Variants in INPP4B observed in about 807,000 individuals in gnomAD.
The protein encoded by INPP4B is inositol polyphosphate-4-phosphatase type II B, also known as inositol polyphosphate 4-phosphatase type II.
INPP4B carries 55 observed loss-of-function variants against 122.5 expected under a neutral mutation model. That is an observed-to-expected ratio of 0.45 (90% confidence interval 0.36 to 0.56). The LOEUF (loss-of-function observed/expected upper bound fraction) is 0.56. INPP4B is among the 20% of genes least tolerant of loss of function. The pLI is 0.00. For missense variants in INPP4B, 1,000 were observed against 1,097.7 expected (o/e 0.91, Z 1.26); for synonymous variants, 403 against 388.7 (o/e 1.04, Z -0.43).
chr4:142,551,943 C>G (rs562120433), intron 2 of INPP4B, among the ~76,000 whole-genome samples: 1 of 152,116 alleles, frequency 6.6e-6, no homozygotes, highest in South Asian at 2.1e-4. Flanking sequence ...AACTCTGATG[C>G]AATAGACAGT....
intron 2 of INPP4B, among the ~76,000 whole-genome samples, chr4:142,643,466 G>T (rs1373039): frequency 6.6e-6 from 1 of 152,016 alleles, no homozygotes; most frequent in East Asian, 1.9e-4. Flanking sequence ...GAGCAATTCA[G>T]TGGAGGTGAA....
chr4:142,573,397 T>C (rs1733234873), intron 2 of INPP4B, among the ~76,000 whole-genome samples: 1 of 152,044 alleles, frequency 6.6e-6, no homozygotes, highest in Non-Finnish European at 1.5e-5. Flanking sequence ...ACCATTTAGG[T>C]CTTGCATCCA....
chr4:142,445,050 AAATAGC>A (rs1036800467), intron 3 of INPP4B, among the ~76,000 whole-genome samples: 1 of 152,120 alleles, frequency 6.6e-6, no homozygotes, highest in Non-Finnish European at 1.5e-5. Flanking sequence ...GCATTAGGAC[AAATAGC>A]TAATGCATAT....
intron 15 of INPP4B, among the ~76,000 whole-genome samples, chr4:142,184,873 C>T (rs1195692616): frequency 6.6e-6 from 1 of 151,982 alleles, no homozygotes; most frequent in East Asian, 1.9e-4. Flanking sequence ...AAACCATGGC[C>T]AGAACACATG....
intron 16 of INPP4B, among the ~76,000 whole-genome samples, chr4:142,163,336 C>T (rs1434463590): frequency 2.6e-5 from 4 of 151,866 alleles, no homozygotes; most frequent in African/African-American, 7.2e-5. Flanking sequence ...CCAGTGTATC[C>T]GTGCTGTATA....
intron 15 of INPP4B, among the ~76,000 whole-genome samples, chr4:142,190,242 A>G (rs938725000): frequency 6.6e-6 from 1 of 151,830 alleles, no homozygotes; most frequent in African/African-American, 2.4e-5. Context: ...ATATCAAATG[A>G]AAGATGAGGC....
At chr4:142,377,324 GT>G (rs1372901710) in intron 7 of INPP4B, among the ~76,000 whole-genome samples, 2 of 149,652 alleles carry the variant, frequency 1.3e-5, no homozygotes, top group Non-Finnish European at 3.0e-5. Context: ...TGTGAGGAAA[GT>G]TAAAAAAAAA....
chr4:142,405,155 C>A, intron 6 of INPP4B, 51 bp downstream of exon 6: 2 of 869,412 alleles, frequency 2.3e-6, no homozygotes, highest in Non-Finnish European at 3.5e-6. Flanking sequence ...GCGAGCGAGC[C>A]AGCAAGAGAG....
rs1183246808 is a variant in INPP4B at position 142,398,376 on chromosome 4, T to TAAAA, written c.372+4558_372+4561dup. Among the ~76,000 whole-genome samples the TAAAA allele has an allele frequency of 5.6e-3, 49 of 8,800 alleles. 3 individuals carry two copies. The highest frequency in any genetic ancestry group is 8.5e-3 in the Non-Finnish European group (42 of 4,926). 5.8% of individuals were successfully genotyped at this position (8,800 alleles called of 152,430 possible). On this transcript the variant is annotated intron_variant, in intron 7 of 25. Coordinates refer to ENST00000262992, the MANE Select transcript of INPP4B (RefSeq NM_001101669.3). ...CTGGGTAACAGAGCCAGACTCTGTCTAAAAAAAAAAAAAAAAAAAAAAAAA... is the reference window on the plus strand; with the variant it reads ...CTGGGTAACAGAGCCAGACTCTGTCTAAAAAAAAAAAAAAAAAAAAAAAAAAAAA...
At position 142,027,874 on chromosome 4, in the gene INPP4B, A is replaced by C. The variant is rs1737512281; in HGVS notation, c.*908T>G. The C allele has an allele frequency of 5.6e-6, 1 of 178,908 alleles. No homozygotes were observed. Among genetic ancestry groups the C allele is most frequent in the Non-Finnish European group, 1.2e-5 (1 of 83,554 alleles). The allele number at this position is 178,908 out of a possible 1,614,324, so 11.1% of individuals were successfully genotyped here. Reference sequence around the variant, plus strand: ...ATGTTTTAAAGGCTTATTAACACACACAAACCTATGCCATAACTGCATGCT... The same window carrying C: ...ATGTTTTAAAGGCTTATTAACACACCCAAACCTATGCCATAACTGCATGCT... On this transcript the variant is annotated 3_prime_UTR_variant, in exon 26 of 26. Transcript: ENST00000262992.
At chr4:142,216,000 A>G (rs1455356814) in intron 12 of INPP4B, among the ~76,000 whole-genome samples, 5 of 151,416 alleles carry the variant, frequency 3.3e-5, no homozygotes, top group Non-Finnish European at 5.9e-5. Flanking sequence ...TGGCATGGGT[A>G]GCAAAGGAGA....
intron 7 of INPP4B, among the ~76,000 whole-genome samples, chr4:142,351,235 A>T (rs796865699): frequency 3.9e-5 from 6 of 152,074 alleles, no homozygotes; most frequent in African/African-American, 9.6e-5. Context: ...CAGCTCTACT[A>T]GTCCTTTCCT....
intron 9 of INPP4B, among the ~76,000 whole-genome samples, chr4:142,289,197 T>TTC (rs1462855310): frequency 6.6e-6 from 1 of 152,202 alleles, no homozygotes; most frequent in Non-Finnish European, 1.5e-5. Flanking sequence ...GTGATGATTT[T>TTC]TCTCTCTTAT....
chr4:142,509,218 G>T (rs1017211709), intron 2 of INPP4B, among the ~76,000 whole-genome samples: 4 of 152,192 alleles, frequency 2.6e-5, no homozygotes, highest in Non-Finnish European at 4.4e-5. Context: ...TAGCAACGTG[G>T]ACCAGTTATT....
intron 1 of INPP4B, among the ~76,000 whole-genome samples, chr4:142,782,121 A>G (rs1022424276): frequency 2.6e-5 from 4 of 151,886 alleles, no homozygotes; most frequent in African/African-American, 9.7e-5. Context: ...TCCTAATGCT[A>G]TCCCTCCCCC....
intron 2 of INPP4B, among the ~76,000 whole-genome samples, chr4:142,525,034 G>A (rs982870479): frequency 1.6e-4 from 25 of 151,616 alleles, no homozygotes; most frequent in African/African-American, 6.0e-4. Context: ...AGCAACTTCA[G>A]CAAAGTCTCA....
At chr4:142,323,758 T>C (rs1771211260) in intron 7 of INPP4B, among the ~76,000 whole-genome samples, 1 of 151,802 alleles carries the variant, frequency 6.6e-6, no homozygotes, top group South Asian at 2.1e-4. Context: ...CTTTTTTTTT[T>C]TTTTAATGTC....
rs56300337 is a variant in INPP4B at position 142,705,458 on chromosome 4, A to AACACAC, written c.-191+20375_-191+20380dup. Among the ~76,000 whole-genome samples, 959 of 146,278 alleles carry AACACAC rather than the reference A, an allele frequency of 6.6e-3. 10 individuals carry two copies. The highest frequency in any genetic ancestry group is 0.019 in the African/African-American group (733 of 39,016). On this transcript the variant is annotated intron_variant, in intron 2 of 25. Transcript: ENST00000262992. The stretch of plus-strand genomic sequence containing the variant: ...AGTCTCTCTACCCATTCCCACCCCA[A>AACACAC]ACACACACACACACACACACACACA...
At chr4:142,042,541 TG>T (rs1265251526) in intron 25 of INPP4B, among the ~76,000 whole-genome samples, 82 of 92,612 alleles carry the variant, frequency 8.9e-4, no homozygotes, top group African/African-American at 2.3e-3. Flanking sequence ...TATGTATGTA[TG>T]TATGTATGTA....
Sources: allele counts gnomAD v4.1 joint callset (sites outside exome capture counted in the v4.1 genomes callset), GRCh38; gene constraint gnomAD v4.1.1; transcripts MANE v1.5; gene names NCBI Gene and HGNC (gene_info 2026-07-23, HGNC 2026-07-21).